The following HHLA2 variants were observed in gnomAD, a reference collection of about 807,000 sequenced individuals.
HHLA2 encodes HERV-H LTR-associating protein 2.
HHLA2 carries 48 observed loss-of-function variants against 45.9 expected under a neutral mutation model. The ratio of observed to expected loss-of-function variants is 1.05; its 90% CI spans 0.83 to 1.33. HHLA2 has a LOEUF of 1.33. HHLA2 is among the 40% of genes most tolerant of loss of function. The pLI, the probability that HHLA2 is intolerant of heterozygous loss-of-function variation, is 0.00. For missense variants in HHLA2, 462 were observed against 494.3 expected, an observed-to-expected ratio of 0.93 and a Z score of 0.62; for synonymous variants, 161 against 173.9, an observed-to-expected ratio of 0.93 and a Z score of 0.59.
chr3:108,356,029 C>CTTTTTTTT (rs3053487), intron 6 of HHLA2, among the ~76,000 whole-genome samples: 3 of 118,216 alleles, frequency 2.5e-5, no homozygotes, highest in Non-Finnish European at 3.3e-5. Context: ...ATTTGTTTTC[C>CTTTTTTTT]TTTTTTTTTT....
chr3:108,355,377 G>C, exon 6 of HHLA2: 1 of 1,612,346 alleles, frequency 6.2e-7, no homozygotes, highest in Non-Finnish European at 8.5e-7. Flanking sequence ...GCTGGACGAT[G>C]AAAGGTAGGC....
intron 9 of HHLA2, 26 bp from the exon 9 acceptor site, chr3:108,376,467 T>C (rs750266073): frequency 6.3e-7 from 1 of 1,583,756 alleles, no homozygotes; most frequent in Non-Finnish European, 8.6e-7. Flanking sequence ...GAAATTATTT[T>C]TAAGTTCTCT....
exon 4 of HHLA2, chr3:108,351,805 G>A (rs1270734353): frequency 6.2e-7 from 1 of 1,611,204 alleles, no homozygotes; most frequent in Non-Finnish European, 8.5e-7. Flanking sequence ...AATATGTTCT[G>A]CACAAGACAT....
intron 4 of HHLA2, 144 bp downstream of exon 3, chr3:108,352,021 C>T: frequency 1.8e-6 from 1 of 568,246 alleles, no homozygotes; most frequent in Non-Finnish European, 3.1e-6. Context: ...AAGGAACAGG[C>T]TGGAAGTCTG....
intron 8 of HHLA2, among the ~76,000 whole-genome samples, chr3:108,374,361 A>T (rs1336230220): frequency 6.6e-6 from 1 of 151,940 alleles, no homozygotes; most frequent in Admixed American, 6.6e-5. Flanking sequence ...TGTTTGACCT[A>T]AAACCGTAAA....
intron 8 of HHLA2, among the ~76,000 whole-genome samples, chr3:108,374,250 T>G (rs201868538): frequency 6.6e-6 from 1 of 150,470 alleles, no homozygotes; most frequent in African/African-American, 2.4e-5. Context: ...ATTTAATAAA[T>G]GGTGCTGGGA....
intron 8 of HHLA2, among the ~76,000 whole-genome samples, chr3:108,365,905 A>C (rs1008054416): frequency 1.3e-5 from 2 of 152,110 alleles, no homozygotes; most frequent in African/African-American, 4.8e-5. Context: ...GGGATTTCTA[A>C]ATATACAATG....
chr3:108,317,488 A>G (rs1214053705), intron 2 of HHLA2, among the ~76,000 whole-genome samples: 1 of 152,146 alleles, frequency 6.6e-6, no homozygotes, highest in Admixed American at 6.5e-5. Flanking sequence ...ATTATTTTAC[A>G]TAGGCAGGAT....
intron 6 of HHLA2, 29 bp downstream of exon 5, chr3:108,355,410 C>T (rs753109895): frequency 3.8e-6 from 6 of 1,587,958 alleles, no homozygotes; most frequent in East Asian, 2.2e-5. Context: ...TCTGTGTACA[C>T]GTGCTGTTTC....
rs1248398651 is a variant in HHLA2 at position 108,376,516 on chromosome 3, G to T, written c.1183G>T (p.Glu395Ter). Residue 395 changes from glutamate (E) to a stop codon, truncating the protein, a stop_gained, in exon 10 of 11, where the codon GAG (glutamate) becomes TAG (stop). Transcript: ENST00000619531. LOFTEE classifies it high-confidence loss of function. ...AGAAAGATGTTGTGTCCCTCCTGGTGAGCGCTGTCCCAGTGCACCCGATAA... is the reference window on the plus strand; with the variant it reads ...AGAAAGATGTTGTGTCCCTCCTGGTTAGCGCTGTCCCAGTGCACCCGATAA... 4 of 1,611,798 alleles carry T rather than the reference G, an allele frequency of 2.5e-6. No individual in the cohort carries two copies. The Admixed American group carries it at 5.0e-5, about 20-fold the overall frequency.
intron 9 of HHLA2, among the ~76,000 whole-genome samples, chr3:108,376,238 G>C (rs899925753): frequency 6.6e-6 from 1 of 152,120 alleles, no homozygotes; most frequent in African/African-American, 2.4e-5. Flanking sequence ...GGATCACAAG[G>C]AGCCAGGAAT....
chr3:108,328,863 T>G (rs546645463), intron 3 of HHLA2, among the ~76,000 whole-genome samples: 2 of 152,242 alleles, frequency 1.3e-5, no homozygotes, highest in South Asian at 4.1e-4. Flanking sequence ...CAGTTCAGAA[T>G]TGGGAGGAGG....
chr3:108,340,325 G>T (rs958234004), intron 3 of HHLA2, among the ~76,000 whole-genome samples: 1 of 152,194 alleles, frequency 6.6e-6, no homozygotes, highest in Non-Finnish European at 1.5e-5. Context: ...GCTGGGCCTG[G>T]ATCTCACTGC....
At chr3:108,315,307 AT>A (rs1449511729) in intron 2 of HHLA2, among the ~76,000 whole-genome samples, 1 of 152,202 alleles carries the variant, frequency 6.6e-6, no homozygotes. Context: ...ACCCTCAGAT[AT>A]GACCAAGATG....
At chr3:108,350,224 T>G (rs1256070470) in intron 3 of HHLA2, among the ~76,000 whole-genome samples, 1 of 152,184 alleles carries the variant, frequency 6.6e-6, no homozygotes, top group East Asian at 1.9e-4. Flanking sequence ...TGGAGCAGTT[T>G]TGACTTTACC....
chr3:108,340,825 C>CTT (rs528544512), intron 3 of HHLA2, among the ~76,000 whole-genome samples: 1 of 148,352 alleles, frequency 6.7e-6, no homozygotes, highest in Non-Finnish European at 1.5e-5. Flanking sequence ...AGGATTTACT[C>CTT]TTTTTTTTTG....
intron 7 of HHLA2, among the ~76,000 whole-genome samples, chr3:108,359,227 C>G (rs2081948783): frequency 6.6e-6 from 1 of 151,914 alleles, no homozygotes; most frequent in African/African-American, 2.4e-5. Flanking sequence ...TACATATGGC[C>G]CGTCTTCCCA....
At chr3:108,369,184 A>G (rs1560276994) in intron 8 of HHLA2, among the ~76,000 whole-genome samples, 1 of 152,226 alleles carries the variant, frequency 6.6e-6, no homozygotes, top group African/African-American at 2.4e-5. Flanking sequence ...ATGAGAATGA[A>G]GACACAACGT....
chr3:108,301,890 G>T (rs1431283851), intron 1 of HHLA2, among the ~76,000 whole-genome samples: 1 of 152,022 alleles, frequency 6.6e-6, no homozygotes, highest in Non-Finnish European at 1.5e-5. Flanking sequence ...CGAGTGACTC[G>T]CATTTACCAA....
Sources: allele counts gnomAD v4.1 joint callset (sites outside exome capture counted in the v4.1 genomes callset), GRCh38; gene constraint gnomAD v4.1.1; transcripts MANE v1.5; gene names NCBI Gene and HGNC (gene_info 2026-07-23, HGNC 2026-07-21).